ADAM23: variants seen among roughly 807,000 people sequenced by gnomAD.
ADAM23 encodes the protein disintegrin and metalloproteinase domain-containing protein 23.
In ADAM23, 33 loss-of-function variants were observed where a neutral mutation model predicts 120.1. The observed-to-expected ratio is 0.27, with a 90% confidence interval of 0.21 to 0.37. The LOEUF (loss-of-function observed/expected upper bound fraction) is 0.37, where lower values mean the gene tolerates loss of function less well. Among genes scored for constraint, ADAM23 ranks in the 10% least tolerant of loss-of-function variants. The probability of loss-of-function intolerance (pLI) is 1.00; values close to 1 mark genes in which losing one functional copy is unlikely to be tolerated. For synonymous variants in ADAM23, 367 were observed against 375.2 expected, an observed-to-expected ratio of 0.98 and a Z score of 0.25; for missense variants, 862 against 1,058.2, an observed-to-expected ratio of 0.81 and a Z score of 2.57.
At chr2:206,587,081 T>G (rs1259487346) in intron 18 of ADAM23, among the ~76,000 whole-genome samples, 2 of 152,240 alleles carry the variant, frequency 1.3e-5, no homozygotes, top group Non-Finnish European at 2.9e-5. Flanking sequence ...GACTTGTTAT[T>G]CTGGTCCATC....
At position 206,495,863 on chromosome 2, in the gene ADAM23, T is replaced by G. The variant is rs537514649; in HGVS notation, c.509+14555T>G. On this transcript the variant is annotated intron_variant, in intron 3 of 25. Coordinates refer to ENST00000264377, the MANE Select transcript of ADAM23 (RefSeq NM_003812.4). ...AGGGGTTGCAATCCTAGTCTCGGAT[T>G]AAACAGACTTTAAACCAACAAAGAT... Among the ~76,000 whole-genome samples, 834 of 152,148 alleles carry G rather than the reference T, an allele frequency of 5.5e-3. 15 individuals carry two copies. The highest frequency in any genetic ancestry group is 0.019 in the African/African-American group (800 of 41,502).
intron 3 of ADAM23, among the ~76,000 whole-genome samples, chr2:206,486,567 G>A (rs1212897721): frequency 6.6e-6 from 1 of 152,094 alleles, no homozygotes; most frequent in African/African-American, 2.4e-5. Flanking sequence ...TTCAGCAAAT[G>A]TTTACTGAGA....
intron 4 of ADAM23, among the ~76,000 whole-genome samples, chr2:206,534,139 A>G (rs1441094239): frequency 1.3e-5 from 2 of 152,202 alleles, no homozygotes; most frequent in East Asian, 3.8e-4. Context: ...CACTGCATAA[A>G]GAAACCACAC....
chr2:206,474,941 T>G (rs915698647), intron 2 of ADAM23, among the ~76,000 whole-genome samples: 2 of 152,182 alleles, frequency 1.3e-5, no homozygotes, highest in Non-Finnish European at 2.9e-5. Flanking sequence ...ATTATTTGTA[T>G]TTTATTGACC....
At chr2:206,610,752 T>C (rs1698811570) in intron 25 of ADAM23, among the ~76,000 whole-genome samples, 1 of 152,228 alleles carries the variant, frequency 6.6e-6, no homozygotes. Context: ...TTTTTAAAGC[T>C]GATTTATCCA....
rs1356115705 is a variant in ADAM23 at position 206,621,039 on chromosome 2, C to T, written c.*3412C>T. On this transcript the variant is annotated 3_prime_UTR_variant, in exon 26 of 26. Coordinates refer to ENST00000264377, the MANE Select transcript of ADAM23 (RefSeq NM_003812.4). ...TTTGTTTGAAATTAATAAATTCATT[C>T]GTATCTTGTTGGCTGCCTATGAATG... 2.6e-5 allele frequency: 4 copies of T among 152,136 alleles called. No homozygotes were observed. Among genetic ancestry groups the T allele is most frequent in the African/African-American group, 4.8e-5 (2 of 41,428 alleles). The allele number at this position is 152,136 out of a possible 1,614,324, so 9.4% of individuals were successfully genotyped here. A position where few individuals can be genotyped will look rare whatever the true frequency, so the allele number is the denominator to read the frequency against.
intron 3 of ADAM23, among the ~76,000 whole-genome samples, chr2:206,513,792 C>T (rs1696675760): frequency 6.6e-6 from 1 of 152,168 alleles, no homozygotes; most frequent in Non-Finnish European, 1.5e-5. Flanking sequence ...GGTGATAATG[C>T]AGCTTGTGAC....
intron 1 of ADAM23, 151 bp from the exon 2 acceptor site, chr2:206,445,156 A>G: frequency 1.6e-6 from 1 of 631,438 alleles, no homozygotes; most frequent in Non-Finnish European, 2.8e-6. Flanking sequence ...GCTTTACTCT[A>G]GCTCTACTTC....
rs1002351751 is a variant in ADAM23, at chr2:206,485,627, G to A, written c.509+4319G>A. ...TGGAGGCATCTCATGGCAGTGCTGT[G>A]TGTTTTATTCATTTGTTCAGCAAAT... is the stretch of plus-strand genomic sequence containing the variant. On this transcript the variant is annotated intron_variant, in intron 3 of 25. Coordinates refer to ENST00000264377, the MANE Select transcript of ADAM23 (RefSeq NM_003812.4). Among the ~76,000 whole-genome samples, 10 of 152,220 alleles carry A rather than the reference G, an allele frequency of 6.6e-5. 1 individual carries two copies. The highest frequency in any genetic ancestry group is 2.4e-4 in the African/African-American group (10 of 41,462).
chr2:206,518,603 G>A (rs1260155164), intron 3 of ADAM23, among the ~76,000 whole-genome samples: 1 of 152,146 alleles, frequency 6.6e-6, no homozygotes, highest in Non-Finnish European at 1.5e-5. Context: ...CACTTAAATA[G>A]TTTGGTGTTA....
intron 2 of ADAM23, among the ~76,000 whole-genome samples, chr2:206,467,010 A>C (rs1695554672): frequency 6.8e-6 from 1 of 147,668 alleles, no homozygotes; most frequent in Non-Finnish European, 1.5e-5. Flanking sequence ...TGTAACAACA[A>C]CTCCAGTGGG....
chr2:206,601,078 T>C (rs1698632020), intron 24 of ADAM23, among the ~76,000 whole-genome samples: 1 of 152,232 alleles, frequency 6.6e-6, no homozygotes, highest in African/African-American at 2.4e-5. Context: ...TCTCTCCTGT[T>C]ACAGGGAGAC....
intron 3 of ADAM23, among the ~76,000 whole-genome samples, chr2:206,484,616 A>G (rs1695968334): frequency 6.6e-6 from 1 of 152,144 alleles, no homozygotes; most frequent in South Asian, 2.1e-4. Flanking sequence ...AGTCTGGGTT[A>G]GAAGGGAGAT....
At chr2:206,566,479 TTAAC>T (rs56758141) in intron 14 of ADAM23, among the ~76,000 whole-genome samples, 31,281 of 151,830 alleles carry the variant, frequency 0.21, 3,755 homozygotes, top group African/African-American at 0.33. Context: ...GTGATTCAGT[TTAAC>T]TAACCATGTG....
intron 3 of ADAM23, among the ~76,000 whole-genome samples, chr2:206,513,372 GT>G (rs779639495): frequency 5.0e-4 from 70 of 139,448 alleles, no homozygotes; most frequent in Non-Finnish European, 8.0e-4. Context: ...TATGGAGAAA[GT>G]TTTAATGTTC....
chr2:206,514,879 G>A (rs1174606209), intron 3 of ADAM23, among the ~76,000 whole-genome samples: 3 of 152,164 alleles, frequency 2.0e-5, no homozygotes, highest in African/African-American at 4.8e-5. Context: ...GATCATTAGC[G>A]TTTTTTAGCA....
At chr2:206,546,568 T>C (rs1226497006) in intron 6 of ADAM23, among the ~76,000 whole-genome samples, 1 of 152,168 alleles carries the variant, frequency 6.6e-6, no homozygotes, top group East Asian at 1.9e-4. Context: ...ACTTAAATAG[T>C]AATTTTCCAT....
chr2:206,502,007 A>G (rs540803249), intron 3 of ADAM23, among the ~76,000 whole-genome samples: 6 of 152,310 alleles, frequency 3.9e-5, no homozygotes, highest in East Asian at 3.9e-4. Flanking sequence ...ATTAAATTTG[A>G]TGCCAAAAAT....
chr2:206,584,808 C>G (rs1344832574), intron 18 of ADAM23, among the ~76,000 whole-genome samples: 1 of 152,164 alleles, frequency 6.6e-6, no homozygotes, highest in Non-Finnish European at 1.5e-5. Flanking sequence ...AATTCCTTCT[C>G]CCTGTGGAGT....
Sources: allele counts gnomAD v4.1 joint callset (sites outside exome capture counted in the v4.1 genomes callset), GRCh38; gene constraint gnomAD v4.1.1; transcripts MANE v1.5; gene names NCBI Gene and HGNC (gene_info 2026-07-23, HGNC 2026-07-21).